LRRC37A2: variants seen among roughly 807,000 people sequenced by gnomAD.
The protein encoded by LRRC37A2 is leucine-rich repeat-containing protein 37A2.
In LRRC37A2, 9 loss-of-function variants were observed where a neutral mutation model predicts 68.8. The ratio of observed to expected loss-of-function variants is 0.13; its 90% CI spans 0.08 to 0.23. LRRC37A2 has a LOEUF of 0.23. Ranked by LOEUF, LRRC37A2 falls within the 10% of genes least tolerant of loss-of-function variation. LRRC37A2 has a pLI of 1.00. For missense variants in LRRC37A2, 168 were observed against 950.4 expected (o/e 0.18, Z 10.82); for synonymous variants, 63 against 367.6 (o/e 0.17, Z 9.48).
the LRRC37A2 span, among the ~76,000 whole-genome samples, chr17:46,881,021 C>A: frequency 6.6e-6 from 1 of 152,340 alleles, no homozygotes; most frequent in Non-Finnish European, 1.5e-5. Flanking sequence ...CATTTACACA[C>A]GAATCCTGTG....
the LRRC37A2 span, among the ~76,000 whole-genome samples, chr17:46,798,960 A>T: frequency 6.6e-6 from 1 of 151,170 alleles, no homozygotes; most frequent in African/African-American, 2.4e-5. Context: ...AGGCAGGAGA[A>T]TCACTTGAGC....
chr17:46,922,851 G>T, the LRRC37A2 span: 1 of 388,410 alleles, frequency 2.6e-6, no homozygotes, highest in Admixed American at 4.1e-5. Context: ...GATGATAGCG[G>T]CTCGCCTTCA....
chr17:46,814,952 C>A, the LRRC37A2 span, among the ~76,000 whole-genome samples: 17 of 152,162 alleles, frequency 1.1e-4, no homozygotes, highest in Admixed American at 3.9e-4. Context: ...CTGCCCTTGT[C>A]CTCTGCAAAA....
the LRRC37A2 span, among the ~76,000 whole-genome samples, chr17:46,752,870 G>T: frequency 6.6e-6 from 1 of 152,050 alleles, no homozygotes; most frequent in Non-Finnish European, 1.5e-5. Flanking sequence ...GGGTTCAAGG[G>T]ATTCTCCTGC....
the LRRC37A2 span, chr17:46,931,884 A>G: frequency 3.1e-6 from 2 of 646,478 alleles, no homozygotes; most frequent in Non-Finnish European, 2.8e-6. Context: ...CACTTTAACC[A>G]CAAGTTTCTT....
the LRRC37A2 span, among the ~76,000 whole-genome samples, chr17:46,918,690 C>T: frequency 6.6e-6 from 1 of 151,830 alleles, no homozygotes; most frequent in South Asian, 2.1e-4. Flanking sequence ...GAAATAGCTC[C>T]CCCTGAACCA....
At chr17:47,036,034 A>G in the LRRC37A2 span, among the ~76,000 whole-genome samples, 1 of 152,190 alleles carries the variant, frequency 6.6e-6, no homozygotes, top group Non-Finnish European at 1.5e-5. Context: ...AATTATAGGA[A>G]TTCTCTATAT....
At chr17:46,814,766 G>A in the LRRC37A2 span, among the ~76,000 whole-genome samples, 1 of 152,218 alleles carries the variant, frequency 6.6e-6, no homozygotes, top group African/African-American at 2.4e-5. Context: ...TGACCCCCAC[G>A]GGGTTTGACT....
chr17:46,532,290 G>A (rs1257128771), intron 6 of LRRC37A2, among the ~76,000 whole-genome samples: 1 of 149,974 alleles, frequency 6.7e-6, no homozygotes, highest in African/African-American at 2.5e-5. Flanking sequence ...TCTGCTTCAT[G>A]TTTACAGAAT....
chr17:46,848,474 G>A, the LRRC37A2 span, among the ~76,000 whole-genome samples: 1 of 152,216 alleles, frequency 6.6e-6, no homozygotes, highest in Non-Finnish European at 1.5e-5. Flanking sequence ...AGGGAAGGTG[G>A]CAGAGCAACA....
the LRRC37A2 span, among the ~76,000 whole-genome samples, chr17:46,841,285 C>G: frequency 1.3e-5 from 2 of 152,178 alleles, no homozygotes; most frequent in Non-Finnish European, 1.5e-5. Flanking sequence ...AAGGGACTTG[C>G]CCACGGTCAC....
chr17:47,000,063 TTAAAATAAAATAA>T, the LRRC37A2 span, among the ~76,000 whole-genome samples: 62 of 17,698 alleles, frequency 3.5e-3, 5 homozygotes, highest in East Asian at 0.019. Context: ...TAAAATAAAA[TTAAAATAAAATAA>T]AAAATAAAAT....
At chr17:46,710,786 C>T in the LRRC37A2 span, among the ~76,000 whole-genome samples, 375 of 151,432 alleles carry the variant, frequency 2.5e-3, 1 homozygote, top group Non-Finnish European at 3.9e-3. Context: ...CTTTTTTTTT[C>T]CTATTGGGAA....
the LRRC37A2 span, among the ~76,000 whole-genome samples, chr17:47,002,715 A>G: frequency 6.6e-6 from 1 of 152,216 alleles, no homozygotes; most frequent in Middle Eastern, 3.4e-3. Flanking sequence ...ATATACAATT[A>G]AATTATTATT....
the LRRC37A2 span, among the ~76,000 whole-genome samples, chr17:46,848,963 C>G: frequency 6.8e-6 from 1 of 147,648 alleles, no homozygotes; most frequent in Non-Finnish European, 1.5e-5. Context: ...GCTTGGTACA[C>G]AGGAGCTGCT....
the LRRC37A2 span, among the ~76,000 whole-genome samples, chr17:46,466,941 C>G: frequency 1.0e-5 from 1 of 99,536 alleles, no homozygotes; most frequent in Non-Finnish European, 2.1e-5. Context: ...ACAAACCTGA[C>G]AAAAACAAGC....
the LRRC37A2 span, chr17:46,966,473 G>C: frequency 7.7e-6 from 5 of 648,220 alleles, no homozygotes; most frequent in African/African-American, 7.2e-5. Flanking sequence ...TCAGCCTCCA[G>C]GGTAGTTGGA....
chr17:46,938,972 T>C, the LRRC37A2 span: 5 of 1,430,652 alleles, frequency 3.5e-6, no homozygotes, highest in Non-Finnish European at 3.7e-6. Flanking sequence ...TGCGCGGTGC[T>C]TAGGAAATGA....
At chr17:46,960,178 C>A in the LRRC37A2 span, among the ~76,000 whole-genome samples, 1 of 152,178 alleles carries the variant, frequency 6.6e-6, no homozygotes, top group East Asian at 1.9e-4. Flanking sequence ...AAACAAGCAA[C>A]CCAACTTTTA....
Sources: allele counts gnomAD v4.1 joint callset (sites outside exome capture counted in the v4.1 genomes callset), GRCh38; gene constraint gnomAD v4.1.1; transcripts MANE v1.5; gene names NCBI Gene and HGNC (gene_info 2026-07-23, HGNC 2026-07-21).